The following PGGT1B variants were observed in gnomAD, a reference collection of about 807,000 sequenced individuals.
PGGT1B encodes protein geranylgeranyltransferase type I subunit beta.
In PGGT1B, 30 loss-of-function variants were observed where a neutral mutation model predicts 46.1. The ratio of observed to expected loss-of-function variants is 0.65; its 90% CI spans 0.49 to 0.88. The LOEUF (loss-of-function observed/expected upper bound fraction) is 0.88, where lower values mean the gene tolerates loss of function less well. Among genes scored for constraint, PGGT1B ranks in the 40% least tolerant of loss-of-function variants. The pLI is 0.00. For missense variants in PGGT1B, 376 were observed against 455.9 expected, an observed-to-expected ratio of 0.82 and a Z score of 1.60; for synonymous variants, 170 against 160.0, an observed-to-expected ratio of 1.06 and a Z score of -0.47.
chr5:115,240,656 A>T lies in PGGT1B; in HGVS notation c.327+883T>A, dbSNP rs986561959. 7.8e-4 allele frequency among the ~76,000 whole-genome samples: 118 copies of T among 152,180 alleles called. 1 individual carries two copies. The highest frequency in any genetic ancestry group is 2.8e-3 in the African/African-American group (118 of 41,450). On this transcript the variant is annotated intron_variant, in intron 3 of 8. Coordinates refer to ENST00000419445, the MANE Select transcript of PGGT1B (RefSeq NM_005023.4). Reference sequence around the variant, plus strand: ...GCTGAAGTAGTACCTCTATCAAAGTATGTCATCTTCTTCAACATTACTGCT... The same window carrying T: ...GCTGAAGTAGTACCTCTATCAAAGTTTGTCATCTTCTTCAACATTACTGCT...
intron 5 of PGGT1B, among the ~76,000 whole-genome samples, chr5:115,232,393 A>G (rs1757019656): frequency 6.6e-6 from 1 of 152,060 alleles, no homozygotes; most frequent in Non-Finnish European, 1.5e-5. Context: ...CAACGTTGGA[A>G]GCTGATAGAA....
chr5:115,222,729 C>T (rs1756623652), intron 6 of PGGT1B, among the ~76,000 whole-genome samples: 1 of 152,188 alleles, frequency 6.6e-6, no homozygotes, highest in Non-Finnish European at 1.5e-5. Context: ...TCAACCCAAA[C>T]ATCCATCAAT....
At position 115,262,809 on chromosome 5, in the gene PGGT1B, C is replaced by T; in HGVS notation, c.43G>A (p.Gly15Arg). The change falls in exon 1 of 9, where the codon GGA (glycine) becomes AGA (arginine). Residue 15 changes from glycine to arginine, a missense_variant. Physicochemically the swap from Gly to Arg is moderately radical, Grantham distance 125 (BLOSUM62 -2). Coordinates refer to ENST00000419445, the MANE Select transcript of PGGT1B (RefSeq NM_005023.4). ...TCCCGTAAGAAATCCAGCCGCTCTC[C>T]CTCACCGCTCCCTGCTAGCCTCTCA... The part of the protein sequence containing the change: ...EDERLAGSGE[G>R]ERLDFLRDRH... 6.2e-7 allele frequency: 1 copy of T among 1,612,854 alleles called. No individual in the cohort carries two copies. The highest frequency in any genetic ancestry group is 1.3e-5 in the African/African-American group (1 of 75,000).
At chr5:115,224,014 G>A (rs74675480) in intron 6 of PGGT1B, among the ~76,000 whole-genome samples, 8,457 of 152,100 alleles carry the variant, frequency 0.056, 331 homozygotes, top group Non-Finnish European at 0.083. Flanking sequence ...AAAACTCAAG[G>A]TAGTTATCAT....
intron 8 of PGGT1B, among the ~76,000 whole-genome samples, chr5:115,216,016 G>T (rs1393279231): frequency 6.6e-6 from 1 of 152,144 alleles, no homozygotes; most frequent in Admixed American, 6.5e-5. Flanking sequence ...GGTGGGAGAG[G>T]AGCCAAATTT....
At chr5:115,219,577 T>C (rs1303403287) in intron 7 of PGGT1B, among the ~76,000 whole-genome samples, 4 of 151,686 alleles carry the variant, frequency 2.6e-5, no homozygotes, top group Admixed American at 2.6e-4. Context: ...ACACAATCAA[T>C]AAAAGAAAAA....
chr5:115,212,306 A>T lies in PGGT1B; in HGVS notation c.*96T>A. ...GCAGGAGATTTGATTGTAAGACTCT[A>T]CCTTTTAAAAAAAGAGCACACTTGG... On this transcript the variant is annotated 3_prime_UTR_variant, in exon 9 of 9. Coordinates refer to ENST00000419445, the MANE Select transcript of PGGT1B (RefSeq NM_005023.4). 6.4e-7 allele frequency: 1 copy of T among 1,572,686 alleles called. No individual in the cohort carries two copies. The highest frequency in any genetic ancestry group is 8.6e-7 in the Non-Finnish European group (1 of 1,160,560).
intron 2 of PGGT1B, among the ~76,000 whole-genome samples, chr5:115,242,763 T>A (rs778500017): frequency 1.3e-5 from 2 of 152,146 alleles, no homozygotes; most frequent in Admixed American, 6.5e-5. Flanking sequence ...GGTCAGGAGT[T>A]CCAGACCAGC....
intron 8 of PGGT1B, among the ~76,000 whole-genome samples, chr5:115,214,769 A>G (rs886689667): frequency 6.6e-6 from 1 of 152,236 alleles, no homozygotes. Flanking sequence ...ATGTTTATAC[A>G]AGAAATGTTT....
At chr5:115,246,883 A>G (rs1747875145) in intron 2 of PGGT1B, among the ~76,000 whole-genome samples, 1 of 152,224 alleles carries the variant, frequency 6.6e-6, no homozygotes, top group African/African-American at 2.4e-5. Flanking sequence ...ATATCATAAA[A>G]ATTGAGGTTA....
intron 4 of PGGT1B, 62 bp downstream of exon 4, chr5:115,237,796 C>T (rs1757226853): frequency 2.2e-6 from 3 of 1,391,084 alleles, no homozygotes; most frequent in Non-Finnish European, 3.0e-6. Flanking sequence ...GTACTGTATC[C>T]ATTTTTTAGT....
At chr5:115,251,243 T>C (rs1290321686) in intron 2 of PGGT1B, among the ~76,000 whole-genome samples, 2 of 152,130 alleles carry the variant, frequency 1.3e-5, no homozygotes, top group African/African-American at 4.8e-5. Flanking sequence ...TTTGCTACAT[T>C]TTTGTGAACC....
In PGGT1B at chr5:115,249,515, G is replaced by C. The variant is rs551502936; in HGVS notation, c.259+3622C>G. On this transcript the variant is annotated intron_variant, in intron 2 of 8. Coordinates refer to ENST00000419445, the MANE Select transcript of PGGT1B (RefSeq NM_005023.4). ...TAATTCCAACTGGCTAATTTAAAGAGAGAGACAAGGTGAGTGGTTTGGTGG... is the reference window on the plus strand; with the variant it reads ...TAATTCCAACTGGCTAATTTAAAGACAGAGACAAGGTGAGTGGTTTGGTGG... Among the ~76,000 whole-genome samples, 192 of 152,230 alleles carry C rather than the reference G, an allele frequency of 1.3e-3. 1 individual carries two copies. The highest frequency in any genetic ancestry group is 4.3e-3 in the African/African-American group (180 of 41,530).
chr5:115,261,818 C>T (rs1367404141), intron 1 of PGGT1B, among the ~76,000 whole-genome samples: 1 of 152,186 alleles, frequency 6.6e-6, no homozygotes, highest in Non-Finnish European at 1.5e-5. Flanking sequence ...ATGAACACTA[C>T]ACTAACATAT....
chr5:115,228,452 A>G (rs1288715624), intron 6 of PGGT1B, among the ~76,000 whole-genome samples: 4 of 152,206 alleles, frequency 2.6e-5, no homozygotes, highest in Admixed American at 1.3e-4. Flanking sequence ...AAATCTAGAA[A>G]GGGGGTTAGA....
Position 115,221,873 on chromosome 5 carries a change from T to A in PGGT1B, c.794A>T (p.Asn265Ile). The change falls in exon 7 of 9, where the codon AAT (asparagine) becomes ATT (isoleucine). Residue 265 changes from asparagine to isoleucine, a missense_variant. Asn to Ile is a moderately radical substitution (Grantham distance 149). Transcript: ENST00000419445. Reference sequence around the variant, plus strand: ...AGAATAACAGGTGTCTACAGGCTTATTAGGTCTTCCATGATAACCATTTTG... The same window carrying A: ...AGAATAACAGGTGTCTACAGGCTTAATAGGTCTTCCATGATAACCATTTTG... ...RQQNGYHGRP[N>I]KPVDTCYSFW... 6.2e-7 allele frequency: 1 copy of A among 1,609,196 alleles called. No homozygotes were observed. The highest frequency in any genetic ancestry group is 1.1e-5 in the South Asian group (1 of 90,582).
Position 115,234,859 on chromosome 5 carries a change from A to ATATATAT in PGGT1B, c.612+1530_612+1531insATATATA, listed in dbSNP as rs1440717916. 3.3e-5 allele frequency among the ~76,000 whole-genome samples: 5 copies of ATATATAT among 152,082 alleles called. No individual in the cohort carries two copies. In the East Asian group the frequency reaches 9.6e-4, roughly 29 times the overall value. On this transcript the variant is annotated intron_variant, in intron 5 of 8. Transcript: ENST00000419445. ...AATATATAGACATATAAATAGATAC[A>ATATATAT]GAAATATAGATTCTGTGTGTCTGTA... is the stretch of plus-strand genomic sequence containing the variant.
chr5:115,262,715 C>T lies in PGGT1B; in HGVS notation c.137G>A (p.Ser46Asn), dbSNP rs1748618401. The T allele has an allele frequency of 6.2e-7, 1 of 1,607,488 alleles. No homozygotes were observed. The highest frequency in any genetic ancestry group is 8.5e-7 in the Non-Finnish European group (1 of 1,176,816). The change falls in exon 1 of 9, where the codon AGC becomes AAC. Residue 46 changes from serine (S) to asparagine (N), a missense_variant. This residue lies in a region of PGGT1B where 154 missense variants were observed against 142.3 expected (regional missense o/e 1.08). Coordinates refer to ENST00000419445, the MANE Select transcript of PGGT1B (RefSeq NM_005023.4). ...LPERYSSLET[S>N]RLTIAFFALS... ...GGCTGACTGTGCCACGAGTTACCTG[C>T]TTGTCTCGAGTGAAGAATAGCGCTC...
At chr5:115,213,134 C>A (rs1756290514) in intron 8 of PGGT1B, among the ~76,000 whole-genome samples, 1 of 152,172 alleles carries the variant, frequency 6.6e-6, no homozygotes, top group Non-Finnish European at 1.5e-5. Context: ...GAATGCTGTG[C>A]CATATTTAAT....
Sources: gnomAD v4.1 joint callset for allele counts (sites outside exome capture counted in the v4.1 genomes callset) on GRCh38, gnomAD v4.1.1 for gene constraint, gnomAD v4.1.1 regional missense constraint, MANE v1.5 for transcripts, NCBI Gene and HGNC (gene_info 2026-07-23, HGNC 2026-07-21) for gene names.